Variants in PATL2 observed in about 807,000 individuals in gnomAD.
PATL2 encodes PAT1 homolog 2.
A neutral mutation model predicts 77.0 loss-of-function variants in PATL2; 73 were observed. The observed-to-expected ratio is 0.95, with a 90% CI of 0.78 to 1.15. The LOEUF (loss-of-function observed/expected upper bound fraction) is 1.15. PATL2 is among the 50% of genes most tolerant of loss of function. PATL2 has a pLI of 0.00. For synonymous variants in PATL2, 265 were observed against 257.1 expected (o/e 1.03, Z -0.29); for missense variants, 618 against 655.4 (o/e 0.94, Z 0.62).
intron 3 of PATL2, among the ~76,000 whole-genome samples, chr15:44,701,039 C>T (rs2086618347): frequency 6.6e-6 from 1 of 150,876 alleles, no homozygotes; most frequent in Admixed American, 6.6e-5. Context: ...TGGTTTTTGC[C>T]CTTCATTCTG....
intron 7 of PATL2, among the ~76,000 whole-genome samples, chr15:44,672,730 C>T (rs73419511): frequency 0.053 from 8,132 of 152,186 alleles, 737 homozygotes; most frequent in African/African-American, 0.19. Flanking sequence ...ATAGTAGTCT[C>T]AGTTCCATCA....
chr15:44,702,305 T>A (rs1486351353), intron 3 of PATL2, among the ~76,000 whole-genome samples: 1 of 152,086 alleles, frequency 6.6e-6, no homozygotes, highest in Non-Finnish European at 1.5e-5. Context: ...CTAATGATCG[T>A]TTGAATTTCT....
chr15:44,683,508 G>C (rs887240104), intron 3 of PATL2, among the ~76,000 whole-genome samples: 1 of 152,182 alleles, frequency 6.6e-6, no homozygotes, highest in African/African-American at 2.4e-5. Flanking sequence ...CTGCAGCTCC[G>C]CAAAGCTGCT....
chr15:44,674,568 T>C (rs903244164), intron 5 of PATL2, among the ~76,000 whole-genome samples: 2 of 151,994 alleles, frequency 1.3e-5, no homozygotes, highest in African/African-American at 4.8e-5. Flanking sequence ...TATATATATT[T>C]AAAAAAAATT....
At chr15:44,689,162 A>T (rs1780599157) in intron 3 of PATL2, among the ~76,000 whole-genome samples, 1 of 152,246 alleles carries the variant, frequency 6.6e-6, no homozygotes, top group Non-Finnish European at 1.5e-5. Flanking sequence ...CCACAAAGAG[A>T]TACCAACTCA....
intron 3 of PATL2, among the ~76,000 whole-genome samples, chr15:44,677,831 G>A (rs1001242586): frequency 6.6e-6 from 1 of 152,046 alleles, no homozygotes; most frequent in African/African-American, 2.4e-5. Context: ...TAGCTTGAAA[G>A]TTACTGAAAA....
intron 3 of PATL2, among the ~76,000 whole-genome samples, chr15:44,684,543 G>GA (rs201198246): frequency 4.4e-4 from 65 of 147,678 alleles, no homozygotes; most frequent in African/African-American, 1.0e-3. Flanking sequence ...GACAAGATTA[G>GA]AAAAAAAAAA....
At chr15:44,673,487 C>T (rs949260317) in intron 6 of PATL2, 110 bp from the exon 7 acceptor site, 2 of 1,382,142 alleles carry the variant, frequency 1.4e-6, no homozygotes, top group African/African-American at 1.4e-5. Flanking sequence ...AGAACTTCAC[C>T]CAACATTGTG....
At chr15:44,672,353 G>A (rs748497085) in intron 8 of PATL2, 35 bp downstream of exon 8, 7 of 1,544,870 alleles carry the variant, frequency 4.5e-6, no homozygotes, top group Admixed American at 2.0e-5. Flanking sequence ...ATGCAAATGG[G>A]CTCCCCTCAA....
At chr15:44,679,536 TTTTC>T (rs1374822298) in intron 3 of PATL2, among the ~76,000 whole-genome samples, 2 of 147,742 alleles carry the variant, frequency 1.4e-5, no homozygotes, top group Non-Finnish European at 1.5e-5. Flanking sequence ...CCAATTTTTT[TTTTC>T]TTTTTCTTTT....
At position 44,711,155 on chromosome 15, in the gene PATL2, A is replaced by C; in HGVS notation, c.-389T>G. 1 of 398,106 alleles carries C rather than the reference A, an allele frequency of 2.5e-6. No homozygotes were observed. The highest frequency in any genetic ancestry group is 5.4e-5 in the East Asian group (1 of 18,468). The allele number at this position is 398,106 out of a possible 1,614,324, so 24.7% of individuals were successfully genotyped here. ...TCGAATGAAAAATGCAGGTCCGAGC[A>C]GTTAACTGGCTGGGGCACCATTAGC... On this transcript the variant is annotated 5_prime_UTR_variant, in exon 1 of 18. Coordinates refer to ENST00000682850, the MANE Select transcript of PATL2 (RefSeq NM_001387263.1).
chr15:44,705,046 T>C (rs2086704192), intron 3 of PATL2, among the ~76,000 whole-genome samples: 1 of 152,218 alleles, frequency 6.6e-6, no homozygotes, highest in Non-Finnish European at 1.5e-5. Context: ...TTGGGTTGAA[T>C]TTGTTTGGTG....
At position 44,669,961 on chromosome 15, in the gene PATL2, C is replaced by A; in HGVS notation, c.778+6G>T. The A allele has an allele frequency of 6.5e-7, 1 of 1,548,934 alleles. No homozygotes were observed. The highest frequency in any genetic ancestry group is 1.4e-5 in the African/African-American group (1 of 73,114). On this transcript the variant is annotated splice_donor_region_variant and intron_variant, in intron 10 of 17. Transcript: ENST00000682850. ...GCCCAAGTCAGCAGGTCAGCCCTGA[C>A]CCTACCGGACTCATAAGCCTCTGCC...
In PATL2 at chr15:44,669,519, C is replaced by G; in HGVS notation, c.921G>C (p.Arg307=). Residue 307 remains arginine (R), a synonymous_variant, in exon 12 of 18, where the codon CGG becomes CGC. Coordinates refer to ENST00000682850, the MANE Select transcript of PATL2 (RefSeq NM_001387263.1). ...GGAACTGATATCTCACCTTCTCAATCCGGTATAATACCCGAAGCCTCTGAC... is the reference window on the plus strand; with the variant it reads ...GGAACTGATATCTCACCTTCTCAATGCGGTATAATACCCGAAGCCTCTGAC... ...ASSQRLRVLY[R]IEKMFLQLLE... is the part of the protein sequence containing the mutation. 3 of 1,551,386 alleles carry G rather than the reference C, an allele frequency of 1.9e-6. No homozygotes were observed. Among genetic ancestry groups the G allele is most frequent in the Non-Finnish European group, 2.6e-6 (3 of 1,146,900 alleles).
At position 44,669,804 on chromosome 15, in the gene PATL2, A is replaced by G; in HGVS notation, c.849T>C (p.Asp283=). The change falls in exon 11 of 18, where the codon GAT becomes GAC. Residue 283 remains aspartate (D), a synonymous_variant. Coordinates refer to ENST00000682850, the MANE Select transcript of PATL2 (RefSeq NM_001387263.1). ...GCTCTTGAGTTCCATGGGGTACCGC[A>G]TCAATAGCTCGGCGAGGGCTGAAGC... ...STCFSPRRAI[D]AVPHGTQEQD... 1 of 1,551,718 alleles carries G rather than the reference A, an allele frequency of 6.4e-7. No homozygotes were observed. The highest frequency in any genetic ancestry group is 8.7e-7 in the Non-Finnish European group (1 of 1,146,996).
intron 3 of PATL2, among the ~76,000 whole-genome samples, chr15:44,681,215 C>T (rs532103263): frequency 2.2e-4 from 34 of 152,270 alleles, no homozygotes; most frequent in African/African-American, 8.2e-4. Flanking sequence ...GATGGCGTCT[C>T]GCTTTTTTGC....
intron 15 of PATL2, chr15:44,667,423 G>A (rs2085433482): frequency 1.9e-6 from 1 of 532,880 alleles, no homozygotes; most frequent in Admixed American, 3.2e-5. Context: ...GACACTCTTG[G>A]AGAGCTGATT....
chr15:44,701,990 C>T (rs1482281759), intron 3 of PATL2, among the ~76,000 whole-genome samples: 1 of 151,996 alleles, frequency 6.6e-6, no homozygotes, highest in Non-Finnish European at 1.5e-5. Context: ...GAGGGATCTG[C>T]CCCCATGATC....
chr15:44,708,072 A>T (rs547233167), intron 3 of PATL2, among the ~76,000 whole-genome samples: 90 of 152,244 alleles, frequency 5.9e-4, no homozygotes, highest in Non-Finnish European at 1.0e-3. Context: ...AGAAGCACAC[A>T]TTCTCTCTCC....
Sources: allele counts gnomAD v4.1 joint callset (sites outside exome capture counted in the v4.1 genomes callset), GRCh38; gene constraint gnomAD v4.1.1; transcripts MANE v1.5; gene names NCBI Gene and HGNC (gene_info 2026-07-23, HGNC 2026-07-21).